GABRR2: variants seen among roughly 807,000 people sequenced by gnomAD.
The protein encoded by GABRR2 is gamma-aminobutyric acid type A receptor subunit rho2.
Under a neutral mutation model 47.0 loss-of-function variants are expected in GABRR2, and 36 were observed. That is an observed-to-expected ratio of 0.77 (90% CI 0.59 to 1.01). The LOEUF is 1.01. GABRR2 is among the 50% of genes least tolerant of loss of function. The pLI is 0.00. For synonymous variants in GABRR2, 204 were observed against 227.5 expected, an observed-to-expected ratio of 0.90 and a Z score of 0.93; for missense variants, 587 against 594.6, an observed-to-expected ratio of 0.99 and a Z score of 0.13.
At position 89,255,354 on chromosome 6, in the gene GABRR2, T is replaced by G; in HGVS notation, c.*2316A>C. ...TCCAGGGCTGAGGCAGGAGAATTGC[T>G]TGAACCCGGGAGGCAGAGGTTGTGG... On this transcript the variant is annotated 3_prime_UTR_variant, in exon 9 of 9. Coordinates refer to ENST00000402938, the MANE Select transcript of GABRR2 (RefSeq NM_002043.5). Among the ~76,000 whole-genome samples, 1 of 152,164 alleles carries G rather than the reference T, an allele frequency of 6.6e-6. No individual in the cohort carries two copies. The highest frequency in any genetic ancestry group is 1.9e-4 in the East Asian group (1 of 5,186).
intron 8 of GABRR2, among the ~76,000 whole-genome samples, chr6:89,261,719 G>A (rs759388938): frequency 1.8e-4 from 28 of 152,118 alleles, no homozygotes; most frequent in Non-Finnish European, 3.7e-4. Context: ...AGCTAAACAA[G>A]CACTGGCCTT....
At chr6:89,292,822 T>TATATATCGTATATACGATATATACG (rs1774491191) in intron 2 of GABRR2, among the ~76,000 whole-genome samples, 1 of 16,310 alleles carries the variant, frequency 6.1e-5, no homozygotes, top group Non-Finnish European at 1.0e-4. Flanking sequence ...CGATATATCG[T>TATATATCGTATATACGATATATACG]ATATATCGTA....
At chr6:89,302,365 G>A (rs1316011551) in intron 1 of GABRR2, 3 of 567,118 alleles carry the variant, frequency 5.3e-6, no homozygotes, top group Middle Eastern at 3.0e-4. Context: ...GAATACAGAT[G>A]AGACCTACTG....
chr6:89,309,850 T>C (rs1203918237), intron 1 of GABRR2, among the ~76,000 whole-genome samples: 1 of 151,988 alleles, frequency 6.6e-6, no homozygotes, highest in Non-Finnish European at 1.5e-5. Flanking sequence ...CAATTGTAGC[T>C]CACTGCAGCC....
rs560455118 is a variant in GABRR2, at chr6:89,313,444, A to G, written c.113+1609T>C. The stretch of plus-strand genomic sequence containing the variant: ...GCCCTGGAACCCCATTTCACTCAAC[A>G]GCCATTCACGTTTCCCAAAATTAGA... On this transcript the variant is annotated intron_variant, in intron 1 of 8. Transcript: ENST00000402938. 2.2e-3 allele frequency among the ~76,000 whole-genome samples: 334 copies of G among 152,328 alleles called. 2 individuals are homozygous for G. The highest frequency in any genetic ancestry group is 0.01 in the Middle Eastern group (3 of 294).
intron 2 of GABRR2, among the ~76,000 whole-genome samples, chr6:89,286,555 C>T (rs1010612249): frequency 1.3e-5 from 2 of 151,618 alleles, no homozygotes; most frequent in African/African-American, 4.9e-5. Flanking sequence ...AATTATACCT[C>T]AAAGCAGAAA....
chr6:89,313,986 G>C (rs565997891), intron 1 of GABRR2, among the ~76,000 whole-genome samples: 1 of 148,582 alleles, frequency 6.7e-6, no homozygotes, highest in East Asian at 2.0e-4. Flanking sequence ...TGGGATACTG[G>C]AAGTAGAGGC....
At chr6:89,283,809 C>T (rs555298235) in intron 2 of GABRR2, among the ~76,000 whole-genome samples, 13 of 152,196 alleles carry the variant, frequency 8.5e-5, no homozygotes, top group East Asian at 3.9e-4. Flanking sequence ...GGGGTGGGCA[C>T]GTTCACGATC....
rs142400470 is a variant in GABRR2 at position 89,301,533 on chromosome 6, T to C, written c.114-1668A>G. On this transcript the variant is annotated intron_variant, in intron 1 of 8. Coordinates refer to ENST00000402938, the MANE Select transcript of GABRR2 (RefSeq NM_002043.5). ...AAACAACTTCAGCAAAGTTTTGGGA[T>C]ACAAGATCAATGTAAAAAATCACTG... Among the ~76,000 whole-genome samples the C allele has an allele frequency of 8.7e-3, 1,323 of 152,206 alleles. 9 individuals are homozygous for C. Among genetic ancestry groups the C allele is most frequent in the Non-Finnish European group, 0.012 (834 of 68,004 alleles).
chr6:89,309,469 A>G (rs917462847), intron 1 of GABRR2, among the ~76,000 whole-genome samples: 4 of 152,060 alleles, frequency 2.6e-5, no homozygotes, highest in Non-Finnish European at 5.9e-5. Flanking sequence ...CAGAAAACCC[A>G]TCTAAACTCC....
chr6:89,261,979 G>A (rs1032673919), intron 8 of GABRR2, among the ~76,000 whole-genome samples: 1 of 150,414 alleles, frequency 6.6e-6, no homozygotes, highest in African/African-American at 2.5e-5. Flanking sequence ...ATGGAGTGCA[G>A]TTAGCAACCA....
intron 1 of GABRR2, among the ~76,000 whole-genome samples, chr6:89,314,281 A>G (rs886691759): frequency 6.6e-6 from 1 of 152,196 alleles, no homozygotes; most frequent in Non-Finnish European, 1.5e-5. Context: ...CATGCCACAC[A>G]TGGTGTTTAT....
chr6:89,294,757 A>G (rs1013699230), intron 2 of GABRR2, among the ~76,000 whole-genome samples: 4 of 150,090 alleles, frequency 2.7e-5, no homozygotes, highest in African/African-American at 9.8e-5. Context: ...CGTCATTTAC[A>G]TTAGGTATAT....
At chr6:89,285,190 T>C (rs1036623752) in intron 2 of GABRR2, among the ~76,000 whole-genome samples, 14 of 152,182 alleles carry the variant, frequency 9.2e-5, no homozygotes, top group African/African-American at 3.1e-4. Flanking sequence ...CCTGGGCTTC[T>C]CCCCATGGGA....
intron 2 of GABRR2, among the ~76,000 whole-genome samples, chr6:89,278,350 T>TGA (rs1213662459): frequency 1.3e-5 from 2 of 152,386 alleles, no homozygotes; most frequent in East Asian, 3.9e-4. Flanking sequence ...TTGATCTGAA[T>TGA]GATGGTTCAC....
chr6:89,288,790 C>T lies in GABRR2; in HGVS notation c.220+10969G>A, dbSNP rs572678837. Among the ~76,000 whole-genome samples the T allele has an allele frequency of 9.2e-5, 14 of 152,288 alleles. No individual in the cohort carries two copies. In the South Asian group the frequency reaches 1.5e-3, roughly 16 times the overall value. The stretch of plus-strand genomic sequence containing the variant: ...CCAAGTGGCTAGGACTACAGGTGTG[C>T]ACCACCAAGCTCAGCTAATTTTAAA... On this transcript the variant is annotated intron_variant, in intron 2 of 8. Coordinates refer to ENST00000402938, the MANE Select transcript of GABRR2 (RefSeq NM_002043.5).
Position 89,255,306 on chromosome 6 carries a change from C to A in GABRR2, c.*2364G>T, listed in dbSNP as rs183785436. 1.0e-3 allele frequency among the ~76,000 whole-genome samples: 154 copies of A among 151,994 alleles called. No individual in the cohort carries two copies. Among genetic ancestry groups the A allele is most frequent in the African/African-American group, 3.5e-3 (144 of 41,454 alleles). On this transcript the variant is annotated 3_prime_UTR_variant, in exon 9 of 9. Transcript: ENST00000402938. Reference sequence around the variant, plus strand: ...TACAAAAGTTAGCCAGGCATGGTGGCGCATGCCTGTAATCCCAGCTACTCC... The same window carrying A: ...TACAAAAGTTAGCCAGGCATGGTGGAGCATGCCTGTAATCCCAGCTACTCC...
chr6:89,308,111 G>A (rs190171124), intron 1 of GABRR2, among the ~76,000 whole-genome samples: 10 of 152,242 alleles, frequency 6.6e-5, no homozygotes, highest in East Asian at 5.8e-4. Context: ...CACCGCGCTC[G>A]GCCTTCATTC....
chr6:89,299,899 G>T, intron 1 of GABRR2, 34 bp from the exon 2 acceptor site: 2 of 1,322,500 alleles, frequency 1.5e-6, no homozygotes, highest in Non-Finnish European at 2.2e-6. Flanking sequence ...TTTTCCATCG[G>T]CTCTTCAATG....
Sources: gnomAD v4.1 joint callset for allele counts (sites outside exome capture counted in the v4.1 genomes callset) on GRCh38, gnomAD v4.1.1 for gene constraint, MANE v1.5 for transcripts, NCBI Gene and HGNC (gene_info 2026-07-23, HGNC 2026-07-21) for gene names.